DIP2B: variants seen among roughly 807,000 people sequenced by gnomAD.
DIP2B encodes the protein disco-interacting protein 2 homolog B.
A neutral mutation model predicts 198.0 loss-of-function variants in DIP2B; 76 were observed. That is an observed-to-expected ratio of 0.38 (90% CI 0.32 to 0.46). DIP2B has a LOEUF of 0.46. Ranked by LOEUF, DIP2B falls within the 20% of genes least tolerant of loss-of-function variation. The probability of loss-of-function intolerance (pLI) is 0.99; values close to 1 mark genes in which losing one functional copy is unlikely to be tolerated. For missense variants in DIP2B, 1,559 were observed against 1,978.4 expected, an observed-to-expected ratio of 0.79 and a Z score of 4.02; for synonymous variants, 701 against 739.1, an observed-to-expected ratio of 0.95 and a Z score of 0.84.
intron 1 of DIP2B, among the ~76,000 whole-genome samples, chr12:50,538,456 G>A (rs973666286): frequency 3.3e-5 from 5 of 151,950 alleles, no homozygotes; most frequent in African/African-American, 7.3e-5. Flanking sequence ...CCCCACCTCC[G>A]TGCCCAGTCC....
chr12:50,682,025 A>G (rs1939049068), intron 9 of DIP2B, among the ~76,000 whole-genome samples: 1 of 152,250 alleles, frequency 6.6e-6, no homozygotes, highest in African/African-American at 2.4e-5. Flanking sequence ...CTCATGACGT[A>G]ATTAAGTTTC....
chr12:50,699,046 C>T lies in DIP2B; in HGVS notation c.2189-20C>T. 6.2e-7 allele frequency: 1 copy of T among 1,611,808 alleles called. No homozygotes were observed. The highest frequency in any genetic ancestry group is 8.5e-7 in the Non-Finnish European group (1 of 1,179,114). On this transcript the variant is annotated intron_variant, in intron 18 of 37. Transcript: ENST00000301180. ...TTTTCTAGAATCTTTGTCCTTTAACCTGTATTTTCTGTACGTTAGGGATGA... is the reference window on the plus strand; with the variant it reads ...TTTTCTAGAATCTTTGTCCTTTAACTTGTATTTTCTGTACGTTAGGGATGA...
chr12:50,651,411 T>C (rs1388960232), intron 3 of DIP2B, among the ~76,000 whole-genome samples: 1 of 152,226 alleles, frequency 6.6e-6, no homozygotes, highest in African/African-American at 2.4e-5. Context: ...TCAAATCCAA[T>C]GTCATGAAGT....
chr12:50,661,609 A>G (rs146574025), intron 4 of DIP2B, among the ~76,000 whole-genome samples: 54 of 152,322 alleles, frequency 3.5e-4, no homozygotes, highest in Admixed American at 1.4e-3. Context: ...GTTTGTGTCT[A>G]TAATGGTGCA....
Position 50,643,650 on chromosome 12 carries a change from C to T in DIP2B, c.301+2798C>T, listed in dbSNP as rs1012752050. Among the ~76,000 whole-genome samples, 11 of 151,954 alleles carry T rather than the reference C, an allele frequency of 7.2e-5. No individual in the cohort carries two copies. The South Asian group carries it at 1.0e-3, about 14-fold the overall frequency. On this transcript the variant is annotated intron_variant, in intron 3 of 37. Coordinates refer to ENST00000301180, the MANE Select transcript of DIP2B (RefSeq NM_173602.3). Reference sequence around the variant, plus strand: ...TATTAGGAATTGCTCAACTAAATAACGAAAGAAAGCTCAGGATGTGAAAGA... The same window carrying T: ...TATTAGGAATTGCTCAACTAAATAATGAAAGAAAGCTCAGGATGTGAAAGA...
At chr12:50,608,397 G>A (rs1959002497) in intron 1 of DIP2B, among the ~76,000 whole-genome samples, 2 of 152,066 alleles carry the variant, frequency 1.3e-5, no homozygotes, top group Non-Finnish European at 2.9e-5. Flanking sequence ...TGAGGTAGTT[G>A]GATCACATGA....
intron 3 of DIP2B, among the ~76,000 whole-genome samples, chr12:50,649,637 T>G (rs577589331): frequency 6.6e-6 from 1 of 152,296 alleles, no homozygotes; most frequent in Admixed American, 6.5e-5. Context: ...GCAAATCACT[T>G]GAGGTCAGGA....
chr12:50,519,107 C>G (rs1415364491), intron 1 of DIP2B, among the ~76,000 whole-genome samples: 2 of 151,996 alleles, frequency 1.3e-5, no homozygotes, highest in Non-Finnish European at 2.9e-5. Context: ...TGGGAATGTT[C>G]TATCTTATTC....
In DIP2B at chr12:50,718,955, C is replaced by T. The variant is rs145914484; in HGVS notation, c.2962C>T (p.His988Tyr). The T allele has an allele frequency of 1.9e-4, 306 of 1,614,138 alleles. 2 individuals are homozygous for T. The highest frequency in any genetic ancestry group is 7.2e-4 in the South Asian group (66 of 91,076). ...QIEENDLVRK[H>Y]QFLAEILQWR... The stretch of plus-strand genomic sequence containing the variant: ...TCCTTTTTCTGGTTTATGACTTCAG[C>T]ACCAGTTTCTGGCAGAGATCCTACA... The change falls in exon 25 of 38, where the codon CAC (histidine) becomes TAC (tyrosine). Residue 988 changes from histidine to tyrosine, a missense_variant and splice_region_variant. Coordinates refer to ENST00000301180, the MANE Select transcript of DIP2B (RefSeq NM_173602.3).
At chr12:50,554,494 G>C (rs9634263) in intron 1 of DIP2B, among the ~76,000 whole-genome samples, 143,583 of 152,180 alleles carry the variant, frequency 0.94, 68,307 homozygotes, top group East Asian at 1. Flanking sequence ...GCATGAATCT[G>C]CCTCTATATG....
intron 3 of DIP2B, among the ~76,000 whole-genome samples, chr12:50,650,410 G>C (rs1938433733): frequency 6.6e-6 from 1 of 152,148 alleles, no homozygotes; most frequent in Non-Finnish European, 1.5e-5. Context: ...TTGTACAGTA[G>C]ATCTCTAGAA....
intron 30 of DIP2B, 65 bp downstream of exon 30, chr12:50,728,743 A>G (rs1939983613): frequency 6.4e-7 from 1 of 1,567,652 alleles, no homozygotes; most frequent in African/African-American, 1.4e-5. Flanking sequence ...TGGCCATCTC[A>G]TCCTTCCCTT....
chr12:50,512,299 G>T (rs955303963), intron 1 of DIP2B, among the ~76,000 whole-genome samples: 1 of 151,680 alleles, frequency 6.6e-6, no homozygotes, highest in Admixed American at 6.6e-5. Context: ...TAGAGACGGG[G>T]TTTCACTATC....
intron 1 of DIP2B, among the ~76,000 whole-genome samples, chr12:50,601,202 C>G (rs1303429259): frequency 6.6e-6 from 1 of 152,164 alleles, no homozygotes. Flanking sequence ...ACTTTCGTAG[C>G]AGGCCCTCAG....
At chr12:50,578,206 C>T (rs1958680660) in intron 1 of DIP2B, among the ~76,000 whole-genome samples, 1 of 152,132 alleles carries the variant, frequency 6.6e-6, no homozygotes, top group Non-Finnish European at 1.5e-5. Flanking sequence ...TGGGGTTTTA[C>T]CATGTTGGTC....
chr12:50,604,782 C>A (rs1958967840), intron 1 of DIP2B, among the ~76,000 whole-genome samples: 1 of 151,976 alleles, frequency 6.6e-6, no homozygotes, highest in Admixed American at 6.6e-5. Context: ...ATGCCTGATA[C>A]CAGTTCTTTG....
At chr12:50,589,199 A>G (rs1173686203) in intron 1 of DIP2B, among the ~76,000 whole-genome samples, 2 of 151,564 alleles carry the variant, frequency 1.3e-5, no homozygotes, top group African/African-American at 4.8e-5. Flanking sequence ...AATAAAATAA[A>G]ATAAAATAAA....
At position 50,514,752 on chromosome 12, in the gene DIP2B, G is replaced by A. The variant is rs564476625; in HGVS notation, c.100+9512G>A. ...TGCTCACTGCAGCCTTGACTTCCTG[G>A]GCTCAAGTGATCCTCCCACCTCAGC... is the stretch of plus-strand genomic sequence containing the variant. On this transcript the variant is annotated intron_variant, in intron 1 of 37. Transcript: ENST00000301180. 2.0e-5 allele frequency among the ~76,000 whole-genome samples: 3 copies of A among 151,958 alleles called. No homozygotes were observed. In the South Asian group the frequency reaches 6.2e-4, roughly 32 times the overall value.
At chr12:50,737,243 C>A in intron 35 of DIP2B, 133 bp downstream of exon 35, 3 of 781,056 alleles carry the variant, frequency 3.8e-6, no homozygotes, top group South Asian at 1.8e-5. Context: ...TTCTGTAAGG[C>A]ATGAGACTGA....
Sources: allele counts gnomAD v4.1 joint callset (sites outside exome capture counted in the v4.1 genomes callset), GRCh38; gene constraint gnomAD v4.1.1; transcripts MANE v1.5; gene names NCBI Gene and HGNC (gene_info 2026-07-23, HGNC 2026-07-21).